ABCA13: variants seen among roughly 807,000 people sequenced by gnomAD.
ABCA13 encodes ATP binding cassette subfamily A member 13, also known as ATP-binding cassette sub-family A member 13.
Under a neutral mutation model 478.7 loss-of-function variants are expected in ABCA13, and 476 were observed. That is an observed-to-expected ratio of 0.99 (90% CI 0.92 to 1.07). ABCA13 has a LOEUF of 1.07. ABCA13 is among the 50% of genes least tolerant of loss of function. The pLI, the probability that ABCA13 is intolerant of heterozygous loss-of-function variation, is 0.00. For missense variants in ABCA13, 6,060 were observed against 5,910.6 expected, an observed-to-expected ratio of 1.03 and a Z score of -0.83; for synonymous variants, 2,252 against 2,158.9, an observed-to-expected ratio of 1.04 and a Z score of -1.20.
At chr7:48,418,878 C>T (rs12535532) in intron 41 of ABCA13, among the ~76,000 whole-genome samples, 58,010 of 152,008 alleles carry the variant, frequency 0.38, 11,733 homozygotes, top group African/African-American at 0.52. Context: ...TCCATTCTCA[C>T]ATTGCTGTAA....
At chr7:48,228,737 G>C (rs1788617719) in intron 6 of ABCA13, among the ~76,000 whole-genome samples, 1 of 152,188 alleles carries the variant, frequency 6.6e-6, no homozygotes, top group Non-Finnish European at 1.5e-5. Context: ...TAGGAAAATG[G>C]AACGTATTTT....
At chr7:48,579,096 A>G (rs1191463622) in intron 55 of ABCA13, among the ~76,000 whole-genome samples, 1 of 152,216 alleles carries the variant, frequency 6.6e-6, no homozygotes, top group African/African-American at 2.4e-5. Flanking sequence ...TTTAGAGACA[A>G]TATCAAAAGC....
At chr7:48,378,241 G>A (rs898491932) in intron 35 of ABCA13, among the ~76,000 whole-genome samples, 3 of 152,210 alleles carry the variant, frequency 2.0e-5, no homozygotes, top group East Asian at 1.9e-4. Flanking sequence ...GAAAAGCTGA[G>A]TGATGGTGAG....
intron 31 of ABCA13, among the ~76,000 whole-genome samples, chr7:48,364,581 A>G (rs1289078628): frequency 6.6e-6 from 1 of 152,098 alleles, no homozygotes; most frequent in Non-Finnish European, 1.5e-5. Flanking sequence ...CCTTCCCAGC[A>G]TCTGGGTAAC....
At chr7:48,535,203 C>T (rs561682232) in intron 55 of ABCA13, among the ~76,000 whole-genome samples, 22 of 152,132 alleles carry the variant, frequency 1.4e-4, no homozygotes, top group Non-Finnish European at 2.9e-4. Flanking sequence ...CAGGGTGCTC[C>T]CTTCATGTGG....
At chr7:48,349,159 TGA>T (rs1808553788) in intron 29 of ABCA13, among the ~76,000 whole-genome samples, 1 of 152,232 alleles carries the variant, frequency 6.6e-6, no homozygotes, top group Non-Finnish European at 1.5e-5. Flanking sequence ...ACTCATACAG[TGA>T]CACTTCACTA....
At chr7:48,336,272 C>A (rs536065858) in intron 28 of ABCA13, among the ~76,000 whole-genome samples, 1 of 152,172 alleles carries the variant, frequency 6.6e-6, no homozygotes, top group African/African-American at 2.4e-5. Context: ...TACATGGAGC[C>A]CTTGGAATAG....
chr7:48,292,642 C>A (rs28433250), intron 20 of ABCA13, among the ~76,000 whole-genome samples: 6,220 of 152,326 alleles, frequency 0.041, 180 homozygotes, highest in Non-Finnish European at 0.06. Context: ...TTGCACCCAC[C>A]TCAGGGCCTT....
intron 42 of ABCA13, among the ~76,000 whole-genome samples, chr7:48,438,884 G>GTTTTTTTTTTTTTTTT (rs59630845): frequency 7.2e-6 from 1 of 139,400 alleles, no homozygotes; most frequent in African/African-American, 2.7e-5. Flanking sequence ...TTTTGCTAAG[G>GTTTTTTTTTTTTTTTT]TTTTTTTTTT....
At chr7:48,179,018 T>TAAA (rs1795281894) in intron 1 of ABCA13, among the ~76,000 whole-genome samples, 1 of 134,176 alleles carries the variant, frequency 7.5e-6, no homozygotes, top group Non-Finnish European at 1.6e-5. Flanking sequence ...ATAATAATAA[T>TAAA]AATAAAAACA....
At chr7:48,321,945 A>G (rs1361257206) in intron 27 of ABCA13, among the ~76,000 whole-genome samples, 1 of 152,176 alleles carries the variant, frequency 6.6e-6, no homozygotes, top group Non-Finnish European at 1.5e-5. Flanking sequence ...GGAGAACATC[A>G]GGGGGTTTGA....
chr7:48,291,278 G>T (rs931501299), intron 20 of ABCA13, among the ~76,000 whole-genome samples: 1 of 152,178 alleles, frequency 6.6e-6, no homozygotes, highest in Non-Finnish European at 1.5e-5. Context: ...GTACCCTTGA[G>T]CCCTGTCACA....
chr7:48,559,346 G>T (rs1040268025), intron 55 of ABCA13, among the ~76,000 whole-genome samples: 1 of 152,092 alleles, frequency 6.6e-6, no homozygotes, highest in Non-Finnish European at 1.5e-5. Context: ...CAAGGCCAAC[G>T]CTGATGTCCC....
At chr7:48,524,597 T>TAG (rs1169804757) in intron 54 of ABCA13, among the ~76,000 whole-genome samples, 157 bp downstream of exon 54, 2 of 152,180 alleles carry the variant, frequency 1.3e-5, no homozygotes, top group South Asian at 2.1e-4. Context: ...CAGAACCAAA[T>TAG]AGAGGGTCTG....
At chr7:48,246,984 C>T (rs1482706794) in intron 13 of ABCA13, among the ~76,000 whole-genome samples, 1 of 151,982 alleles carries the variant, frequency 6.6e-6, no homozygotes, top group Non-Finnish European at 1.5e-5. Context: ...CCTGTAGTCC[C>T]AGCACTTTGG....
In ABCA13 at chr7:48,403,825, G is replaced by T. The variant is rs1479072250; in HGVS notation, c.12016G>T (p.Val4006Leu). The change falls in exon 39 of 62, where the codon GTG becomes TTG. Residue 4006 changes from valine to leucine, a missense_variant. Val to Leu is a conservative substitution (Grantham distance 32). Around this residue, in one of 3 missense-constraint regions of ABCA13, gnomAD observed 1,627 missense variants for 1,571.0 expected, o/e 1.04. Coordinates refer to ENST00000435803, the MANE Select transcript of ABCA13 (RefSeq NM_152701.5). ...GGTTCTGGATGAGCCCACCAGTGGG[G>T]TGGACCCTTGCTCCCGGCATAGCCT... ...TVVLDEPTSG[V>L]DPCSRHSLWD... The T allele has an allele frequency of 6.2e-7, 1 of 1,613,846 alleles. No individual in the cohort carries two copies. Among genetic ancestry groups the T allele is most frequent in the Non-Finnish European group, 8.5e-7 (1 of 1,179,794 alleles).
intron 59 of ABCA13, among the ~76,000 whole-genome samples, chr7:48,642,563 G>T (rs535793147): frequency 2.0e-5 from 3 of 151,950 alleles, no homozygotes; most frequent in South Asian, 4.2e-4. Context: ...GATTTTTTTT[G>T]GGATGCTATG....
chr7:48,632,947 T>C (rs185959197), intron 59 of ABCA13, among the ~76,000 whole-genome samples: 3 of 152,308 alleles, frequency 2.0e-5, no homozygotes, highest in Non-Finnish European at 2.9e-5. Context: ...ATGACTTAAA[T>C]GTAAATGCTA....
intron 26 of ABCA13, 112 bp downstream of exon 26, chr7:48,314,521 T>C: frequency 1.0e-6 from 1 of 998,850 alleles, no homozygotes; most frequent in Non-Finnish European, 1.4e-6. Context: ...TATACTGGCA[T>C]AGAATCTTCT....
Sources: gnomAD v4.1 joint callset for allele counts (sites outside exome capture counted in the v4.1 genomes callset) on GRCh38, gnomAD v4.1.1 for gene constraint, gnomAD v4.1.1 regional missense constraint, MANE v1.5 for transcripts, NCBI Gene and HGNC (gene_info 2026-07-23, HGNC 2026-07-21) for gene names.